Variants in MALRD1 observed in about 807,000 individuals in gnomAD.
MALRD1 encodes MAM and LDL-receptor class A domain-containing protein 1.
MALRD1 carries 247 observed loss-of-function variants against 242.1 expected under a neutral mutation model. The ratio of observed to expected loss-of-function variants is 1.02; its 90% CI spans 0.92 to 1.13. The LOEUF (loss-of-function observed/expected upper bound fraction) is 1.13, where lower values mean the gene tolerates loss of function less well. MALRD1 is among the 50% of genes most tolerant of loss of function. The pLI is 0.00. For missense variants in MALRD1, 2,989 were observed against 2,533.1 expected, an observed-to-expected ratio of 1.18 and a Z score of -3.86; for synonymous variants, 995 against 866.6, an observed-to-expected ratio of 1.15 and a Z score of -2.60.
intron 29 of MALRD1, among the ~76,000 whole-genome samples, chr10:19,467,406 A>AG (rs1357317539): frequency 1.3e-5 from 2 of 150,178 alleles, no homozygotes; most frequent in African/African-American, 4.9e-5. Flanking sequence ...AAAAAAAAAA[A>AG]AAAAAAGAAA....
At chr10:19,494,005 A>C (rs555248966) in intron 30 of MALRD1, among the ~76,000 whole-genome samples, 2 of 152,312 alleles carry the variant, frequency 1.3e-5, no homozygotes, top group African/African-American at 4.8e-5. Context: ...AACTGCAGCC[A>C]GCACTCAGGT....
rs987943838 is a variant in MALRD1 at position 19,227,841 on chromosome 10, A to G, written c.2991+18161A>G. 4.6e-5 allele frequency among the ~76,000 whole-genome samples: 7 copies of G among 152,318 alleles called. No individual in the cohort carries two copies. In the East Asian group the frequency reaches 5.8e-4, roughly 13 times the overall value. On this transcript the variant is annotated intron_variant, in intron 18 of 39. Coordinates refer to ENST00000454679, the MANE Select transcript of MALRD1 (RefSeq NM_001142308.3). Reference sequence around the variant, plus strand: ...AGATGTTTTAATTTAAAAAGAGATGATATCTAATACACAAATGAAAAGATA... The same window carrying G: ...AGATGTTTTAATTTAAAAAGAGATGGTATCTAATACACAAATGAAAAGATA...
chr10:19,486,068 A>G (rs1837225013), intron 29 of MALRD1, among the ~76,000 whole-genome samples: 1 of 149,794 alleles, frequency 6.7e-6, no homozygotes, highest in Non-Finnish European at 1.5e-5. Context: ...GAAAAATGCG[A>G]CAAAATGTTA....
chr10:19,615,538 G>A (rs1397930160), intron 35 of MALRD1, among the ~76,000 whole-genome samples: 70 of 80,286 alleles, frequency 8.7e-4, no homozygotes, highest in African/African-American at 3.9e-3. Context: ...AAAAAAAAGA[G>A]GAAGAGAGAA....
At chr10:19,287,561 T>C (rs1398455026) in intron 21 of MALRD1, among the ~76,000 whole-genome samples, 3 of 152,164 alleles carry the variant, frequency 2.0e-5, no homozygotes, top group Non-Finnish European at 4.4e-5. Context: ...TTTCTGTAGA[T>C]GTTTTATGAT....
chr10:19,099,213 C>T (rs1010909936), intron 4 of MALRD1, among the ~76,000 whole-genome samples: 2 of 152,076 alleles, frequency 1.3e-5, no homozygotes, highest in Non-Finnish European at 2.9e-5. Context: ...GTTTACAGCT[C>T]GATTTTTCAG....
At chr10:19,693,721 A>G (rs1196193471) in intron 38 of MALRD1, among the ~76,000 whole-genome samples, 6 of 152,194 alleles carry the variant, frequency 3.9e-5, no homozygotes, top group African/African-American at 1.4e-4. Flanking sequence ...ATTGGAAAAA[A>G]CTACTTTAAA....
At chr10:19,643,297 T>A (rs1483013541) in intron 36 of MALRD1, among the ~76,000 whole-genome samples, 5 of 151,238 alleles carry the variant, frequency 3.3e-5, no homozygotes, top group Non-Finnish European at 7.4e-5. Flanking sequence ...AAAAAAAAAA[T>A]TAGGCGGACG....
chr10:19,162,100 CTT>C (rs771621209), intron 12 of MALRD1, among the ~76,000 whole-genome samples: 21 of 152,098 alleles, frequency 1.4e-4, no homozygotes, highest in Non-Finnish European at 2.5e-4. Context: ...GAATTTTTCA[CTT>C]TGTTTAATTT....
intron 5 of MALRD1, among the ~76,000 whole-genome samples, chr10:19,111,553 C>T (rs895582182): frequency 2.0e-5 from 3 of 152,108 alleles, no homozygotes; most frequent in African/African-American, 7.2e-5. Flanking sequence ...TGACAGAGGG[C>T]AATAAGCTGA....
intron 36 of MALRD1, among the ~76,000 whole-genome samples, chr10:19,659,238 G>A (rs972843497): frequency 6.6e-6 from 1 of 152,084 alleles, no homozygotes; most frequent in African/African-American, 2.4e-5. Context: ...ATCGTTTATG[G>A]TAATAATAGC....
intron 5 of MALRD1, among the ~76,000 whole-genome samples, chr10:19,105,945 C>T (rs1836447335): frequency 1.3e-5 from 2 of 151,920 alleles, no homozygotes; most frequent in African/African-American, 4.8e-5. Context: ...AGTTTGCAAA[C>T]ATTGCCTCTG....
chr10:19,683,414 A>G (rs910864464), intron 36 of MALRD1, among the ~76,000 whole-genome samples: 1 of 152,206 alleles, frequency 6.6e-6, no homozygotes, highest in Non-Finnish European at 1.5e-5. Context: ...ATGTATTTTC[A>G]TGTGCATCGT....
chr10:19,062,908 G>A (rs547173709), intron 1 of MALRD1, among the ~76,000 whole-genome samples: 511 of 152,258 alleles, frequency 3.4e-3, no homozygotes, highest in South Asian at 6.0e-3. Context: ...CACTTTGGGA[G>A]GCCGAGGCTG....
chr10:19,144,105 T>C (rs1354476424), intron 10 of MALRD1, among the ~76,000 whole-genome samples: 1 of 152,212 alleles, frequency 6.6e-6, no homozygotes, highest in African/African-American at 2.4e-5. Context: ...ATGTGCAACA[T>C]GTTTTTATTA....
intron 32 of MALRD1, among the ~76,000 whole-genome samples, chr10:19,543,050 A>C (rs1835045548): frequency 6.6e-6 from 1 of 152,158 alleles, no homozygotes; most frequent in Admixed American, 6.5e-5. Context: ...ATAAGAAAAT[A>C]AAGGAACTTT....
At chr10:19,701,783 C>G (rs971966535) in intron 38 of MALRD1, among the ~76,000 whole-genome samples, 2 of 144,580 alleles carry the variant, frequency 1.4e-5, no homozygotes, top group Admixed American at 7.0e-5. Context: ...TTCTCCCTCC[C>G]CCTTTTCCTC....
intron 21 of MALRD1, among the ~76,000 whole-genome samples, chr10:19,299,282 C>G (rs995940121): frequency 6.6e-6 from 1 of 151,886 alleles, no homozygotes; most frequent in African/African-American, 2.4e-5. Context: ...GGGAATTCTG[C>G]TTCTCCATAA....
At chr10:19,657,533 T>C (rs1841214970) in intron 36 of MALRD1, among the ~76,000 whole-genome samples, 1 of 147,492 alleles carries the variant, frequency 6.8e-6, no homozygotes, top group South Asian at 2.1e-4. Context: ...AATTGAGATT[T>C]TTTTTCTTAA....
Sources: allele counts gnomAD v4.1 joint callset (sites outside exome capture counted in the v4.1 genomes callset), GRCh38; gene constraint gnomAD v4.1.1; transcripts MANE v1.5; gene names NCBI Gene and HGNC (gene_info 2026-07-23, HGNC 2026-07-21).